CALN1: variants seen among roughly 807,000 people sequenced by gnomAD.
CALN1 encodes the protein calcium-binding protein 8.
CALN1 carries 17 observed loss-of-function variants against 30.6 expected under a neutral mutation model. That is an observed-to-expected ratio of 0.56 (90% CI 0.38 to 0.83). The LOEUF is 0.83. Ranked by LOEUF, CALN1 falls within the 40% of genes least tolerant of loss-of-function variation. The pLI, the probability that CALN1 is intolerant of heterozygous loss-of-function variation, is 0.00. For synonymous variants in CALN1, 156 were observed against 131.4 expected, an observed-to-expected ratio of 1.19 and a Z score of -1.28; for missense variants, 291 against 354.9, an observed-to-expected ratio of 0.82 and a Z score of 1.45.
intron 3 of CALN1, among the ~76,000 whole-genome samples, chr7:72,194,553 G>A (rs11981190): frequency 0.5 from 74,621 of 149,056 alleles, 20,959 homozygotes; most frequent in East Asian, 0.96. Flanking sequence ...AACAGAAACA[G>A]AAACAGGTTT....
chr7:72,404,330 T>C (rs1806552222), intron 1 of CALN1, among the ~76,000 whole-genome samples: 1 of 152,200 alleles, frequency 6.6e-6, no homozygotes, highest in Non-Finnish European at 1.5e-5. Context: ...GGGACAACCT[T>C]AAAATAATTG....
the CALN1 span, among the ~76,000 whole-genome samples, chr7:72,484,157 C>T: frequency 6.6e-6 from 1 of 152,098 alleles, no homozygotes; most frequent in African/African-American, 2.4e-5. Context: ...CATTATGGGT[C>T]ATATTTTTCT....
At chr7:72,406,480 C>T (rs1489742344) in intron 1 of CALN1, among the ~76,000 whole-genome samples, 1 of 152,114 alleles carries the variant, frequency 6.6e-6, no homozygotes, top group Non-Finnish European at 1.5e-5. Flanking sequence ...AGAATTTGTC[C>T]TCTAAAGTCC....
intron 2 of CALN1, among the ~76,000 whole-genome samples, chr7:72,308,396 A>G (rs965552617): frequency 7.1e-6 from 1 of 140,806 alleles, no homozygotes. Context: ...AGAGAGAGAG[A>G]GAGAGAGAGG....
chr7:72,225,397 C>T (rs574537425), intron 3 of CALN1, among the ~76,000 whole-genome samples: 38 of 152,026 alleles, frequency 2.5e-4, no homozygotes, highest in African/African-American at 5.8e-4. Flanking sequence ...TTCCCTGGCA[C>T]GGGGGAGGGG....
intron 2 of CALN1, among the ~76,000 whole-genome samples, chr7:72,341,223 A>G (rs558405799): frequency 6.6e-6 from 1 of 152,284 alleles, no homozygotes; most frequent in Admixed American, 6.5e-5. Context: ...CAACCATGTC[A>G]CCAAAGTGCC....
intron 1 of CALN1, among the ~76,000 whole-genome samples, chr7:72,424,941 G>A (rs912103739): frequency 6.6e-6 from 1 of 152,022 alleles, no homozygotes; most frequent in African/African-American, 2.4e-5. Flanking sequence ...TCACTCAAGC[G>A]GGTGTAAGGC....
chr7:71,788,666 A>AT (rs142168171), intron 6 of CALN1, among the ~76,000 whole-genome samples: 8,084 of 148,332 alleles, frequency 0.054, 350 homozygotes, highest in South Asian at 0.19. Flanking sequence ...AATTATTATT[A>AT]TTTTTTTTGA....
At chr7:72,185,272 C>T (rs1790104966) in intron 3 of CALN1, among the ~76,000 whole-genome samples, 1 of 152,006 alleles carries the variant, frequency 6.6e-6, no homozygotes, top group Non-Finnish European at 1.5e-5. Flanking sequence ...TGTGCATCCC[C>T]ATGAAAGGAA....
At chr7:71,860,431 T>C (rs981194275) in intron 5 of CALN1, among the ~76,000 whole-genome samples, 1 of 152,134 alleles carries the variant, frequency 6.6e-6, no homozygotes. Flanking sequence ...GACCTCGTGA[T>C]CCTCCCGCCT....
At chr7:71,981,668 C>A (rs1480868391) in intron 5 of CALN1, among the ~76,000 whole-genome samples, 7 of 140,146 alleles carry the variant, frequency 5.0e-5, no homozygotes, top group Non-Finnish European at 7.5e-5. Flanking sequence ...AATGAAAAAA[C>A]AAAACCAAAA....
At chr7:72,090,192 C>A (rs1350062100) in intron 4 of CALN1, among the ~76,000 whole-genome samples, 1 of 152,152 alleles carries the variant, frequency 6.6e-6, no homozygotes, top group Non-Finnish European at 1.5e-5. Flanking sequence ...GTCCCAGCCA[C>A]TTGGGAGGCT....
intron 2 of CALN1, among the ~76,000 whole-genome samples, chr7:72,397,697 A>G (rs1806053880): frequency 1.7e-5 from 2 of 117,756 alleles, no homozygotes; most frequent in Admixed American, 9.3e-5. Context: ...GGGATCTTGG[A>G]GAGCACCCAT....
chr7:72,244,459 T>C (rs1427452675), intron 3 of CALN1, among the ~76,000 whole-genome samples: 1 of 152,084 alleles, frequency 6.6e-6, no homozygotes, highest in African/African-American at 2.4e-5. Context: ...TGTAATCCAG[T>C]AGAGGAACTA....
At chr7:72,109,780 G>C (rs1308913179) in intron 3 of CALN1, among the ~76,000 whole-genome samples, 1 of 152,196 alleles carries the variant, frequency 6.6e-6, no homozygotes, top group African/African-American at 2.4e-5. Context: ...CAGGCCTCCC[G>C]ACGTGAGAGT....
At chr7:72,192,471 TA>T (rs1238502007) in intron 3 of CALN1, among the ~76,000 whole-genome samples, 1 of 152,020 alleles carries the variant, frequency 6.6e-6, no homozygotes, top group Admixed American at 6.6e-5. Context: ...CAGCAGGCAA[TA>T]AAGAGCAGTG....
chr7:72,335,518 A>G (rs1801958727), intron 2 of CALN1, among the ~76,000 whole-genome samples: 1 of 152,116 alleles, frequency 6.6e-6, no homozygotes, highest in Non-Finnish European at 1.5e-5. Context: ...TATTATCACC[A>G]CTAAACAGAC....
intron 3 of CALN1, among the ~76,000 whole-genome samples, chr7:72,228,450 G>C (rs564639016): frequency 1.3e-5 from 2 of 151,766 alleles, no homozygotes; most frequent in Admixed American, 6.6e-5. Flanking sequence ...GCACAGCTCC[G>C]TAAGATTATG....
intron 4 of CALN1, among the ~76,000 whole-genome samples, chr7:72,102,681 G>A (rs59086558): frequency 0.23 from 34,589 of 152,020 alleles, 4,872 homozygotes; most frequent in East Asian, 0.69. Context: ...GATTCCATTA[G>A]TAGAAAATGT....
Sources: gnomAD v4.1 joint callset for allele counts (sites outside exome capture counted in the v4.1 genomes callset) on GRCh38, gnomAD v4.1.1 for gene constraint, MANE v1.5 for transcripts, NCBI Gene and HGNC (gene_info 2026-07-23, HGNC 2026-07-21) for gene names.